ADORA2B: variants seen among roughly 807,000 people sequenced by gnomAD.
The protein encoded by ADORA2B is adenosine receptor A2b.
In ADORA2B, 18 loss-of-function variants were observed where a neutral mutation model predicts 20.8. That is an observed-to-expected ratio of 0.87 (90% CI 0.60 to 1.29). The LOEUF (loss-of-function observed/expected upper bound fraction) is 1.29, where lower values mean the gene tolerates loss of function less well. Among genes scored for constraint, ADORA2B ranks in the 50% most tolerant of loss-of-function variants. The pLI, the probability that ADORA2B is intolerant of heterozygous loss-of-function variation, is 0.00. For missense variants in ADORA2B, 441 were observed against 422.7 expected (o/e 1.04, Z -0.38); for synonymous variants, 179 against 178.3 (o/e 1.00, Z -0.03).
intron 1 of ADORA2B, among the ~76,000 whole-genome samples, chr17:15,953,853 G>A (rs1165857974): frequency 6.6e-6 from 1 of 152,160 alleles, no homozygotes; most frequent in African/African-American, 2.4e-5. Flanking sequence ...CCCTGTCTTG[G>A]ATCTCTGCTT....
the ADORA2B span, among the ~76,000 whole-genome samples, chr17:15,870,557 G>T: frequency 6.8e-6 from 1 of 147,568 alleles, no homozygotes; most frequent in Admixed American, 6.8e-5. Context: ...AGGTTGCAGT[G>T]AGCCAAGATC....
intron 1 of ADORA2B, among the ~76,000 whole-genome samples, chr17:15,951,930 C>CA (rs1385721403): frequency 2.0e-5 from 3 of 152,192 alleles, no homozygotes; most frequent in African/African-American, 7.2e-5. Flanking sequence ...GCAGAGGCCT[C>CA]CTCTGCAGAC....
the ADORA2B span, among the ~76,000 whole-genome samples, chr17:15,929,026 G>A: frequency 6.6e-6 from 1 of 152,158 alleles, no homozygotes; most frequent in African/African-American, 2.4e-5. Context: ...AGAAGGCAGG[G>A]TGTGGGAGAC....
intron 1 of ADORA2B, among the ~76,000 whole-genome samples, chr17:15,950,108 C>A (rs1455208293): frequency 6.6e-6 from 1 of 152,208 alleles, no homozygotes; most frequent in Non-Finnish European, 1.5e-5. Flanking sequence ...CCCACAAATA[C>A]TGCTTTCTGT....
chr17:15,869,304 A>T, the ADORA2B span, among the ~76,000 whole-genome samples: 1 of 151,430 alleles, frequency 6.6e-6, no homozygotes, highest in Non-Finnish European at 1.5e-5. Flanking sequence ...TGGGTGACAG[A>T]ACGAGACTCC....
At chr17:15,931,261 G>A in the ADORA2B span, among the ~76,000 whole-genome samples, 1 of 152,170 alleles carries the variant, frequency 6.6e-6, no homozygotes, top group Admixed American at 6.5e-5. Flanking sequence ...GGAGCTTAGC[G>A]CTTCAATGCT....
At chr17:15,947,061 A>G (rs1262449357) in intron 1 of ADORA2B, among the ~76,000 whole-genome samples, 1 of 152,106 alleles carries the variant, frequency 6.6e-6, no homozygotes, top group Non-Finnish European at 1.5e-5. Context: ...TGTGAGCCTT[A>G]TGTGGGTGTC....
chr17:15,941,889 C>T (rs1324553752), upstream of ADORA2B, among the ~76,000 whole-genome samples: 5 of 151,800 alleles, frequency 3.3e-5, no homozygotes, highest in East Asian at 1.9e-4. Context: ...CAAATCCTAG[C>T]GTGGATCAGG....
chr17:15,881,854 C>T, the ADORA2B span, among the ~76,000 whole-genome samples: 1 of 152,234 alleles, frequency 6.6e-6, no homozygotes, highest in Non-Finnish European at 1.5e-5. Context: ...TCCAGAAACA[C>T]AGCTGGGAGA....
the ADORA2B span, among the ~76,000 whole-genome samples, chr17:15,912,731 G>A: frequency 3.3e-5 from 5 of 152,176 alleles, no homozygotes; most frequent in African/African-American, 4.8e-5. Context: ...AAACACGCAC[G>A]CACACATGGG....
intron 1 of ADORA2B, among the ~76,000 whole-genome samples, chr17:15,961,853 A>G (rs562091496): frequency 2.8e-4 from 43 of 152,344 alleles, no homozygotes; most frequent in Middle Eastern, 3.4e-3. Context: ...CACTCCCATG[A>G]TAGTGACATT....
the ADORA2B span, among the ~76,000 whole-genome samples, chr17:15,930,006 A>T: frequency 6.6e-6 from 1 of 152,126 alleles, no homozygotes; most frequent in African/African-American, 2.4e-5. Context: ...GTTTAAGAGG[A>T]TGTTAAAAAA....
chr17:15,896,891 C>A, the ADORA2B span, among the ~76,000 whole-genome samples: 1 of 152,212 alleles, frequency 6.6e-6, no homozygotes, highest in African/African-American at 2.4e-5. Context: ...TACTCTGTTA[C>A]ATGGTCCCAG....
At chr17:15,966,922 G>T (rs372053960) in intron 1 of ADORA2B, among the ~76,000 whole-genome samples, 1 of 152,272 alleles carries the variant, frequency 6.6e-6, no homozygotes. Flanking sequence ...CTCTGCAGCA[G>T]AGCAGTGACT....
the ADORA2B span, among the ~76,000 whole-genome samples, chr17:15,894,640 A>G: frequency 6.6e-6 from 1 of 152,218 alleles, no homozygotes; most frequent in Admixed American, 6.5e-5. Context: ...AAGATTAGAA[A>G]TATGTCTTAG....
At chr17:15,903,895 T>G in the ADORA2B span, among the ~76,000 whole-genome samples, 3 of 152,186 alleles carry the variant, frequency 2.0e-5, no homozygotes, top group Admixed American at 6.5e-5. Context: ...TCAAATTACG[T>G]AGAACCTCTT....
the ADORA2B span, among the ~76,000 whole-genome samples, chr17:15,882,416 CCA>C: frequency 7.2e-5 from 11 of 152,148 alleles, no homozygotes; most frequent in African/African-American, 2.7e-4. Context: ...GCACTGGACT[CCA>C]GTTAAAGGTT....
chr17:15,959,392 T>C (rs1970008114), intron 1 of ADORA2B, among the ~76,000 whole-genome samples: 1 of 152,198 alleles, frequency 6.6e-6, no homozygotes, highest in Non-Finnish European at 1.5e-5. Context: ...ACTAATACAG[T>C]GCATTACTAT....
chr17:15,886,220 A>T, the ADORA2B span, among the ~76,000 whole-genome samples: 6,352 of 144,850 alleles, frequency 0.044, 392 homozygotes, highest in African/African-American at 0.13. Context: ...CCAGGCTCCC[A>T]GAACTCCATG....
Sources: gnomAD v4.1 joint callset for allele counts (sites outside exome capture counted in the v4.1 genomes callset) on GRCh38, gnomAD v4.1.1 for gene constraint, MANE v1.5 for transcripts, NCBI Gene and HGNC (gene_info 2026-07-23, HGNC 2026-07-21) for gene names.